The following PLA2G4A variants were observed in gnomAD, a reference collection of about 807,000 sequenced individuals.
The protein encoded by PLA2G4A is phospholipase A2 group IVA, also known as cytosolic phospholipase A2.
In PLA2G4A, 40 loss-of-function variants were observed where a neutral mutation model predicts 81.9. That is an observed-to-expected ratio of 0.49 (90% confidence interval 0.38 to 0.64). PLA2G4A has a LOEUF of 0.64. Ranked by LOEUF, PLA2G4A falls within the 30% of genes least tolerant of loss-of-function variation. The probability of loss-of-function intolerance (pLI) is 0.00; values close to 1 mark genes in which losing one functional copy is unlikely to be tolerated. For synonymous variants in PLA2G4A, 302 were observed against 296.9 expected, an observed-to-expected ratio of 1.02 and a Z score of -0.18; for missense variants, 715 against 905.1, an observed-to-expected ratio of 0.79 and a Z score of 2.69.
intron 14 of PLA2G4A, among the ~76,000 whole-genome samples, chr1:186,957,553 A>G (rs1471040474): frequency 4.6e-5 from 7 of 152,222 alleles, no homozygotes; most frequent in Non-Finnish European, 7.3e-5. Flanking sequence ...TCGAGCTGCA[A>G]GGGAATCTGG....
At chr1:186,872,061 G>A (rs1274539321) in intron 3 of PLA2G4A, among the ~76,000 whole-genome samples, 1 of 152,058 alleles carries the variant, frequency 6.6e-6, no homozygotes, top group South Asian at 2.1e-4. Context: ...AACAGCAAGA[G>A]TTTTGGCTGA....
chr1:186,882,008 T>C (rs1432304922), intron 3 of PLA2G4A, among the ~76,000 whole-genome samples: 1 of 152,102 alleles, frequency 6.6e-6, no homozygotes. Context: ...TTATTAGTAC[T>C]GGAATATTTG....
At chr1:186,837,811 G>C (rs1226124048) in intron 1 of PLA2G4A, among the ~76,000 whole-genome samples, 1 of 151,206 alleles carries the variant, frequency 6.6e-6, no homozygotes, top group Admixed American at 6.6e-5. Flanking sequence ...TCAGGAAAGA[G>C]AGACGTGACC....
intron 7 of PLA2G4A, among the ~76,000 whole-genome samples, chr1:186,928,143 G>A (rs1655616103): frequency 6.6e-6 from 1 of 152,086 alleles, no homozygotes; most frequent in Non-Finnish European, 1.5e-5. Context: ...GCTGGAAACT[G>A]GCCTAACTGG....
At chr1:186,917,227 G>A (rs955677990) in intron 7 of PLA2G4A, among the ~76,000 whole-genome samples, 5 of 152,080 alleles carry the variant, frequency 3.3e-5, no homozygotes, top group East Asian at 3.9e-4. Flanking sequence ...AGAATAAGCT[G>A]ATGGGACACC....
chr1:186,855,995 A>G (rs139491785), intron 2 of PLA2G4A, among the ~76,000 whole-genome samples: 4 of 152,158 alleles, frequency 2.6e-5, no homozygotes, highest in Admixed American at 1.3e-4. Context: ...CTTCAAGAAT[A>G]TCCTGTCTAG....
At chr1:186,912,519 T>A (rs1384100256) in intron 7 of PLA2G4A, among the ~76,000 whole-genome samples, 1 of 152,026 alleles carries the variant, frequency 6.6e-6, no homozygotes, top group African/African-American at 2.4e-5. Flanking sequence ...TAGCTTTGCC[T>A]TTTGTTAGTT....
At chr1:186,981,837 GAAGA>G (rs1181504637) in intron 17 of PLA2G4A, among the ~76,000 whole-genome samples, 1 of 152,134 alleles carries the variant, frequency 6.6e-6, no homozygotes, top group Non-Finnish European at 1.5e-5. Flanking sequence ...AACTCATCTT[GAAGA>G]AAGAAAGCGA....
chr1:186,953,198 G>A (rs1454548719), intron 13 of PLA2G4A, among the ~76,000 whole-genome samples: 1 of 152,168 alleles, frequency 6.6e-6, no homozygotes, highest in Non-Finnish European at 1.5e-5. Context: ...ATGAATGAGA[G>A]TTCTTGTTGC....
intron 5 of PLA2G4A, among the ~76,000 whole-genome samples, chr1:186,901,111 G>A (rs890680925): frequency 6.6e-6 from 1 of 152,210 alleles, no homozygotes; most frequent in Non-Finnish European, 1.5e-5. Flanking sequence ...AAGTTATTGA[G>A]ACAAAGTGGA....
intron 8 of PLA2G4A, among the ~76,000 whole-genome samples, chr1:186,934,159 A>G (rs112324044): frequency 2.6e-5 from 4 of 152,072 alleles, no homozygotes; most frequent in African/African-American, 9.6e-5. Context: ...CACCTACTCA[A>G]TCATTTTGTT....
intron 1 of PLA2G4A, among the ~76,000 whole-genome samples, chr1:186,852,035 T>C (rs1652392270): frequency 6.6e-6 from 1 of 152,028 alleles, no homozygotes; most frequent in African/African-American, 2.4e-5. Context: ...AATGCTTTAG[T>C]GTAACTGGGC....
intron 6 of PLA2G4A, among the ~76,000 whole-genome samples, chr1:186,908,976 T>C (rs1188418867): frequency 2.2e-5 from 3 of 134,350 alleles, no homozygotes; most frequent in Admixed American, 1.5e-4. Flanking sequence ...TTCTTTTTTT[T>C]TTTTTTTTTT....
rs563756808 is a variant in PLA2G4A, at chr1:186,882,725, G to C, written c.116-10286G>C. On this transcript the variant is annotated intron_variant, in intron 3 of 17. Transcript: ENST00000367466. ...TAGTTGTGGTTGCATTATAGAAGGTGCCTTGAGAATAAGCAACTAAGAGAT... is the reference window on the plus strand; with the variant it reads ...TAGTTGTGGTTGCATTATAGAAGGTCCCTTGAGAATAAGCAACTAAGAGAT... 3.3e-5 allele frequency among the ~76,000 whole-genome samples: 5 copies of C among 152,230 alleles called. No individual in the cohort carries two copies. The South Asian group carries it at 8.3e-4, about 25-fold the overall frequency.
intron 12 of PLA2G4A, among the ~76,000 whole-genome samples, 189 bp from the exon 13 acceptor site, chr1:186,950,468 G>T (rs1181233664): frequency 1.3e-5 from 2 of 151,952 alleles, no homozygotes; most frequent in African/African-American, 4.8e-5. Flanking sequence ...AGGAAATTTT[G>T]TTTCCAGTGA....
intron 7 of PLA2G4A, among the ~76,000 whole-genome samples, chr1:186,915,429 A>G (rs1311444994): frequency 6.6e-6 from 1 of 152,138 alleles, no homozygotes; most frequent in African/African-American, 2.4e-5. Flanking sequence ...TATCCCCACG[A>G]GCCAACTTGT....
chr1:186,854,402 GT>G lies in PLA2G4A; in HGVS notation c.33+18del. 1 of 1,526,260 alleles carries G rather than the reference GT, an allele frequency of 6.6e-7. No homozygotes were observed. The highest frequency in any genetic ancestry group is 9.1e-7 in the Non-Finnish European group (1 of 1,100,390). The allele number at this position is 1,526,260 out of a possible 1,614,324, so 94.5% of individuals were successfully genotyped here. A position where few individuals can be genotyped will look rare whatever the true frequency, so the allele number is the denominator to read the frequency against. ...AGCACATTATAGTAAGTCATTCACT[GT>G]TTATGAATTCTTTCTTGGAGGGGGT... On this transcript the variant is annotated intron_variant, in intron 2 of 17. Transcript: ENST00000367466.
intron 17 of PLA2G4A, among the ~76,000 whole-genome samples, chr1:186,981,766 A>T (rs1657725985): frequency 6.6e-6 from 1 of 152,196 alleles, no homozygotes; most frequent in Non-Finnish European, 1.5e-5. Context: ...TCAGGTTTTT[A>T]TAAGAAGATT....
intron 1 of PLA2G4A, among the ~76,000 whole-genome samples, chr1:186,830,348 C>G (rs990709298): frequency 6.6e-6 from 1 of 151,904 alleles, no homozygotes; most frequent in African/African-American, 2.4e-5. Context: ...TGGCTCATGC[C>G]CGTAATACCA....
Sources: gnomAD v4.1 joint callset for allele counts (sites outside exome capture counted in the v4.1 genomes callset) on GRCh38, gnomAD v4.1.1 for gene constraint, MANE v1.5 for transcripts, NCBI Gene and HGNC (gene_info 2026-07-23, HGNC 2026-07-21) for gene names.